The following CFAP100 variants were observed in gnomAD, a reference collection of about 807,000 sequenced individuals.
The protein encoded by CFAP100 is cilia and flagella associated protein 100.
In CFAP100, 70 loss-of-function variants were observed where a neutral mutation model predicts 81.5. The observed-to-expected ratio is 0.86, with a 90% CI of 0.71 to 1.05. The LOEUF (loss-of-function observed/expected upper bound fraction) is 1.05, where lower values mean the gene tolerates loss of function less well. CFAP100 is among the 50% of genes least tolerant of loss of function. The pLI, the probability that CFAP100 is intolerant of heterozygous loss-of-function variation, is 0.00. For missense variants in CFAP100, 811 were observed against 776.5 expected, an observed-to-expected ratio of 1.04 and a Z score of -0.53; for synonymous variants, 341 against 314.8, an observed-to-expected ratio of 1.08 and a Z score of -0.88.
chr3:126,419,169 G>A lies in CFAP100; in HGVS notation c.731+13G>A, dbSNP rs1294325491. On this transcript the variant is annotated intron_variant, in intron 8 of 16. Transcript: ENST00000352312. ...TTAATATCAAAAGGTGAGGTCAGAGGGCATGCTGGCCATTGGCTGGCCCAC... is the reference window on the plus strand; with the variant it reads ...TTAATATCAAAAGGTGAGGTCAGAGAGCATGCTGGCCATTGGCTGGCCCAC... 2.0e-6 allele frequency: 3 copies of A among 1,527,528 alleles called. No homozygotes were observed. The highest frequency in any genetic ancestry group is 2.7e-6 in the Non-Finnish European group (3 of 1,131,606). 94.6% of individuals were successfully genotyped at this position (1,527,528 alleles called of 1,614,324 possible).
chr3:126,419,465 T>C (rs959543336), intron 8 of CFAP100, among the ~76,000 whole-genome samples, 172 bp from the exon 9 acceptor site: 3 of 152,176 alleles, frequency 2.0e-5, no homozygotes, highest in African/African-American at 7.2e-5. Flanking sequence ...ACTCTGCTTG[T>C]TGCAGGGTGG....
intron 11 of CFAP100, among the ~76,000 whole-genome samples, chr3:126,421,355 A>G (rs141809396): frequency 6.6e-6 from 1 of 152,374 alleles, no homozygotes; most frequent in East Asian, 1.9e-4. Context: ...TCTTAATTTT[A>G]GTGAAGCCAA....
At chr3:126,420,948 C>A (rs922535214) in intron 11 of CFAP100, 1 of 152,206 alleles carries the variant, frequency 6.6e-6, no homozygotes, top group Admixed American at 6.5e-5. Flanking sequence ...TGGGGACCAG[C>A]CCGGTGTGGT....
At chr3:126,434,551 A>C in intron 15 of CFAP100, 170 bp downstream of exon 15, 2 of 653,362 alleles carry the variant, frequency 3.1e-6, no homozygotes, top group Non-Finnish European at 2.5e-6. Context: ...CATCACAGTC[A>C]AGTGGGGGGT....
At chr3:126,416,670 G>C in intron 5 of CFAP100, 162 bp downstream of exon 5, 1 of 592,266 alleles carries the variant, frequency 1.7e-6, no homozygotes, top group Admixed American at 3.5e-5. Context: ...CCTCTCCAGG[G>C]GGGTCCCAAA....
intron 3 of CFAP100, 49 bp from the exon 4 acceptor site, chr3:126,414,036 C>T (rs776088586): frequency 3.7e-5 from 52 of 1,388,328 alleles, no homozygotes; most frequent in African/African-American, 7.1e-5. Flanking sequence ...CAGAGACCAC[C>T]GCCTGGAAGA....
Position 126,407,307 on chromosome 3 carries a change from C to T in CFAP100, c.130+55C>T, listed in dbSNP as rs1422314446. 6.0e-6 allele frequency: 7 copies of T among 1,174,196 alleles called. No individual in the cohort carries two copies. In the East Asian group the frequency reaches 1.4e-4, roughly 24 times the overall value. The allele number at this position is 1,174,196 out of a possible 1,614,324, so 72.7% of individuals were successfully genotyped here. On this transcript the variant is annotated intron_variant, in intron 3 of 16. Transcript: ENST00000352312. The stretch of plus-strand genomic sequence containing the variant: ...AAGTTGGCAGGAGGCAACTCCTCTC[C>T]CTCTGCCCCCAGATCCCCTCAGACC...
chr3:126,433,499 C>T lies in CFAP100; in HGVS notation c.1422+295C>T, dbSNP rs530850239. The T allele has an allele frequency of 1.7e-3, 583 of 348,598 alleles. 1 individual carries two copies. The highest frequency in any genetic ancestry group is 2.5e-3 in the Non-Finnish European group (464 of 187,716). The allele number at this position is 348,598 out of a possible 1,614,324, so 21.6% of individuals were successfully genotyped here. On this transcript the variant is annotated intron_variant, in intron 14 of 16. Transcript: ENST00000352312. ...GGTGATCCTGAAGGGGGGGAAGAGG[C>T]GTGTCCTCAAGCCAGGCTGAGAGGG... is the stretch of plus-strand genomic sequence containing the variant.
At chr3:126,422,515 T>G (rs2083349167) in intron 11 of CFAP100, among the ~76,000 whole-genome samples, 1 of 152,162 alleles carries the variant, frequency 6.6e-6, no homozygotes, top group African/African-American at 2.4e-5. Context: ...CAGCAGGACC[T>G]GCAGATCCTA....
chr3:126,400,636 C>CA (rs1467953305), intron 2 of CFAP100, among the ~76,000 whole-genome samples: 1 of 152,078 alleles, frequency 6.6e-6, no homozygotes, highest in African/African-American at 2.4e-5. Flanking sequence ...CCTGTAGTCC[C>CA]AACTACTCCG....
chr3:126,407,266 T>C lies in CFAP100; in HGVS notation c.130+14T>C, dbSNP rs1576621820. 3 of 1,606,224 alleles carry C rather than the reference T, an allele frequency of 1.9e-6. No homozygotes were observed. In the Middle Eastern group the frequency reaches 5.0e-4, roughly 266 times the overall value. On this transcript the variant is annotated intron_variant, in intron 3 of 16. Transcript: ENST00000352312. ...GAAAAAACGAAGGTAACCTTCAAGC[T>C]GGGAGGCTAAAGTCCAAGTTGGCAG...
intron 2 of CFAP100, among the ~76,000 whole-genome samples, chr3:126,401,930 T>C (rs1041298748): frequency 3.9e-5 from 6 of 152,212 alleles, no homozygotes; most frequent in Non-Finnish European, 8.8e-5. Flanking sequence ...GACCCCACGC[T>C]GTCACCACAC....
chr3:126,418,523 C>A lies in CFAP100; in HGVS notation c.484C>A (p.Gln162Lys). 1 of 1,614,068 alleles carries A rather than the reference C, an allele frequency of 6.2e-7. No individual in the cohort carries two copies. The highest frequency in any genetic ancestry group is 8.5e-7 in the Non-Finnish European group (1 of 1,180,006). Reference protein sequence around the residue: ...IKQKRQMFLLQYALDVKRREI... With the variant: ...IKQKRQMFLLKYALDVKRREI... Reference sequence around the variant, plus strand: ...GCAGAAGCGGCAAATGTTCCTCCTCCAGGTAGGTCCCGTGGCCCCCAGAGC... The same window carrying A: ...GCAGAAGCGGCAAATGTTCCTCCTCAAGGTAGGTCCCGTGGCCCCCAGAGC... The change falls in exon 6 of 17, where the codon CAG (glutamine) becomes AAG (lysine). Residue 162 changes from glutamine (Q) to lysine (K), a missense_variant and splice_region_variant. Transcript: ENST00000352312.
At chr3:126,422,753 CAG>C (rs1183326438) in intron 11 of CFAP100, among the ~76,000 whole-genome samples, 1 of 152,216 alleles carries the variant, frequency 6.6e-6, no homozygotes, top group Non-Finnish European at 1.5e-5. Flanking sequence ...ACCCCCAGGA[CAG>C]GGGCCAAGAC....
At chr3:126,407,128 C>T (rs754331606) in intron 2 of CFAP100, 44 bp from the exon 3 acceptor site, 1 of 1,392,278 alleles carries the variant, frequency 7.2e-7, no homozygotes, top group South Asian at 1.2e-5. Context: ...TTCTCATGGG[C>T]CAGGGGAGTC....
At chr3:126,404,150 T>A (rs1244635749) in intron 2 of CFAP100, among the ~76,000 whole-genome samples, 1 of 152,176 alleles carries the variant, frequency 6.6e-6, no homozygotes, top group Admixed American at 6.5e-5. Flanking sequence ...TCTTCCTAAT[T>A]AAGAAATGCA....
At chr3:126,414,211 G>T in intron 4 of CFAP100, 32 bp downstream of exon 4, 3 of 1,522,650 alleles carry the variant, frequency 2.0e-6, no homozygotes, top group Non-Finnish European at 2.7e-6. Context: ...CAGCACCTCC[G>T]GGAGCTTCCC....
chr3:126,425,458 G>T (rs1290202568), intron 13 of CFAP100, among the ~76,000 whole-genome samples: 13 of 152,242 alleles, frequency 8.5e-5, no homozygotes, highest in Admixed American at 8.5e-4. Flanking sequence ...AGATGGGTTT[G>T]CTGGTGAATT....
At position 126,416,340 on chromosome 3, in the gene CFAP100, C is replaced by T. The variant is rs78977056; in HGVS notation, c.250C>T (p.Arg84Trp). Residue 84 changes from arginine to tryptophan, a missense_variant, in exon 5 of 17, where the codon CGG becomes TGG. By Grantham distance (101) the Arg-to-Trp change is moderately radical. Transcript: ENST00000352312. ...LSERQQQKTM[R>W]VHQKMTYSSK... Reference sequence around the variant, plus strand: ...GGAACGGCAGCAGCAGAAGACGATGCGGGTGCACCAGAAGATGACCTACTC... The same window carrying T: ...GGAACGGCAGCAGCAGAAGACGATGTGGGTGCACCAGAAGATGACCTACTC... 6.3e-7 allele frequency: 1 copy of T among 1,599,554 alleles called. No homozygotes were observed. The highest frequency in any genetic ancestry group is 8.5e-7 in the Non-Finnish European group (1 of 1,171,410).
Sources: allele counts gnomAD v4.1 joint callset (sites outside exome capture counted in the v4.1 genomes callset), GRCh38; gene constraint gnomAD v4.1.1; transcripts MANE v1.5; gene names NCBI Gene and HGNC (gene_info 2026-07-23, HGNC 2026-07-21).